RBM20: variants seen among roughly 807,000 people sequenced by gnomAD.
RBM20 encodes RNA-binding protein 20.
RBM20 carries 51 observed loss-of-function variants against 110.1 expected under a neutral mutation model. The observed-to-expected ratio is 0.46, with a 90% confidence interval of 0.37 to 0.59. The LOEUF is 0.59. RBM20 is among the 20% of genes least tolerant of loss of function. The pLI is 0.00. For synonymous variants in RBM20, 589 were observed against 618.2 expected (o/e 0.95, Z 0.70); for missense variants, 1,512 against 1,574.9 (o/e 0.96, Z 0.68).
At chr10:110,813,293 A>G (rs952097748) in intron 9 of RBM20, among the ~76,000 whole-genome samples, 2 of 152,156 alleles carry the variant, frequency 1.3e-5, no homozygotes, top group African/African-American at 4.8e-5. Context: ...CTTTACTAGA[A>G]GTTAGGGTGG....
intron 8 of RBM20, among the ~76,000 whole-genome samples, chr10:110,810,777 A>G (rs1300999642): frequency 1.3e-5 from 2 of 151,940 alleles, no homozygotes; most frequent in Non-Finnish European, 2.9e-5. Flanking sequence ...CCCTATTAAA[A>G]CAGCCTAAAA....
In RBM20 at chr10:110,821,701, G is replaced by T; in HGVS notation, c.3082G>T (p.Glu1028Ter). Residue 1028 changes from glutamate to a stop codon, truncating the protein, a stop_gained, in exon 11 of 14, where the codon GAG becomes TAG. Transcript: ENST00000369519. LOFTEE classifies it high-confidence loss of function. The part of the protein sequence containing the change: ...SLEDSDCYEK[E>*]AKGVESSDVH... Reference sequence around the variant, plus strand: ...GGAGGATTCAGATTGCTACGAGAAGGAGGCAAAGGGAGTGGAGAGCTCAGA... The same window carrying T: ...GGAGGATTCAGATTGCTACGAGAAGTAGGCAAAGGGAGTGGAGAGCTCAGA... 1 of 1,551,800 alleles carries T rather than the reference G, an allele frequency of 6.4e-7. No homozygotes were observed. Among genetic ancestry groups the T allele is most frequent in the South Asian group, 1.2e-5 (1 of 84,070 alleles).
At chr10:110,760,425 C>CTTTTTTTTTTTTTT (rs541027608) in intron 1 of RBM20, among the ~76,000 whole-genome samples, 5 of 57,878 alleles carry the variant, frequency 8.6e-5, no homozygotes, top group Non-Finnish European at 1.5e-4. Context: ...ATTCCATCAT[C>CTTTTTTTTTTTTTT]TTTTTTTTTT....
chr10:110,682,282 A>G (rs1330681063), intron 1 of RBM20, among the ~76,000 whole-genome samples: 1 of 152,168 alleles, frequency 6.6e-6, no homozygotes, highest in Non-Finnish European at 1.5e-5. Flanking sequence ...CCAGAATATG[A>G]CAGTACCTCA....
rs1227122496 is a variant in RBM20, at chr10:110,739,904, C to T, written c.192-40897C>T. On this transcript the variant is annotated intron_variant, in intron 1 of 13. Coordinates refer to ENST00000369519, the MANE Select transcript of RBM20 (RefSeq NM_001134363.3). This position sits in a 1 kb window ranked among gnomAD's most constrained non-coding sequence, Gnocchi z 4.1. ...AGGAAGCCACTCCCAGCGGCCCTGC[C>T]CGTCTGGGTCCTCCTGCCCTCACTG... is the stretch of plus-strand genomic sequence containing the variant. Among the ~76,000 whole-genome samples, 1 of 152,218 alleles carries T rather than the reference C, an allele frequency of 6.6e-6. No homozygotes were observed. The highest frequency in any genetic ancestry group is 1.5e-5 in the Non-Finnish European group (1 of 68,036).
At chr10:110,671,736 G>GATAT (rs35930707) in intron 1 of RBM20, among the ~76,000 whole-genome samples, 4,770 of 150,978 alleles carry the variant, frequency 0.032, 238 homozygotes, top group African/African-American at 0.11. Flanking sequence ...CACTGTTTAA[G>GATAT]ATATATATAT....
At chr10:110,744,903 G>C (rs1291742155) in intron 1 of RBM20, among the ~76,000 whole-genome samples, 2 of 152,180 alleles carry the variant, frequency 1.3e-5, no homozygotes, top group Non-Finnish European at 2.9e-5. Flanking sequence ...CTTGTGTTCA[G>C]GACAGCTGAA....
chr10:110,796,781 A>G (rs1230566403), intron 5 of RBM20, among the ~76,000 whole-genome samples: 1 of 152,066 alleles, frequency 6.6e-6, no homozygotes, highest in Non-Finnish European at 1.5e-5. Flanking sequence ...ATATCAGCAC[A>G]TTTACCTCCT....
At chr10:110,663,638 TA>T (rs1480253501) in intron 1 of RBM20, among the ~76,000 whole-genome samples, 1 of 152,158 alleles carries the variant, frequency 6.6e-6, no homozygotes, top group Non-Finnish European at 1.5e-5. Context: ...GTCTTAATTA[TA>T]AAAAAATTAA....
chr10:110,650,412 G>A (rs948126970), intron 1 of RBM20, among the ~76,000 whole-genome samples: 1 of 152,190 alleles, frequency 6.6e-6, no homozygotes, highest in Non-Finnish European at 1.5e-5. Flanking sequence ...CAAAAAGGGA[G>A]CAGTTAAGCA....
chr10:110,776,280 C>A (rs1844263168), intron 1 of RBM20, among the ~76,000 whole-genome samples: 1 of 152,332 alleles, frequency 6.6e-6, no homozygotes, highest in South Asian at 2.1e-4. Flanking sequence ...CTAGTGGAAG[C>A]CACTTTTGCA....
At chr10:110,796,224 T>C (rs899981651) in intron 5 of RBM20, among the ~76,000 whole-genome samples, 1 of 152,236 alleles carries the variant, frequency 6.6e-6, no homozygotes, top group Non-Finnish European at 1.5e-5. Context: ...ATAACCAGCA[T>C]TGACAGGTTG....
intron 1 of RBM20, among the ~76,000 whole-genome samples, chr10:110,686,576 G>A (rs576920921): frequency 6.6e-6 from 1 of 152,020 alleles, no homozygotes; most frequent in Non-Finnish European, 1.5e-5. Flanking sequence ...CAGTGAGCTA[G>A]GATCCCACCA....
intron 1 of RBM20, among the ~76,000 whole-genome samples, chr10:110,695,097 G>A (rs1157648365): frequency 1.3e-5 from 2 of 152,096 alleles, no homozygotes; most frequent in Non-Finnish European, 2.9e-5. Context: ...TTTTTGTTAC[G>A]ATATCGTCAG....
At chr10:110,806,712 A>G (rs1226459794) in intron 7 of RBM20, among the ~76,000 whole-genome samples, 2 of 152,228 alleles carry the variant, frequency 1.3e-5, no homozygotes, top group African/African-American at 4.8e-5. Context: ...GGGGTTCAGT[A>G]AACCATTCTC....
At chr10:110,702,242 A>G (rs1862770333) in intron 1 of RBM20, among the ~76,000 whole-genome samples, 1 of 152,202 alleles carries the variant, frequency 6.6e-6, no homozygotes, top group South Asian at 2.1e-4. Flanking sequence ...ACTTCCTTTA[A>G]AGTCGAGAGC....
intron 1 of RBM20, among the ~76,000 whole-genome samples, chr10:110,698,004 T>C (rs998625891): frequency 6.6e-6 from 1 of 151,808 alleles, no homozygotes; most frequent in African/African-American, 2.4e-5. Context: ...ACCTCCCGGC[T>C]TCACGCCATT....
intron 7 of RBM20, among the ~76,000 whole-genome samples, chr10:110,801,646 T>C (rs566919950): frequency 1.3e-5 from 2 of 150,670 alleles, no homozygotes; most frequent in African/African-American, 4.9e-5. Flanking sequence ...GCAATTCTCC[T>C]TCCCCACCTC....
At chr10:110,803,550 G>A (rs1844657261) in intron 7 of RBM20, among the ~76,000 whole-genome samples, 1 of 152,086 alleles carries the variant, frequency 6.6e-6, no homozygotes, top group Non-Finnish European at 1.5e-5. Flanking sequence ...GCTGCTGGTG[G>A]TCCTCGGAGA....
Sources: gnomAD v4.1 joint callset for allele counts (sites outside exome capture counted in the v4.1 genomes callset) on GRCh38, gnomAD v4.1.1 for gene constraint, Gnocchi (gnomAD v3.1) non-coding constraint, MANE v1.5 for transcripts, NCBI Gene and HGNC (gene_info 2026-07-23, HGNC 2026-07-21) for gene names.